Variants in WWOX observed in about 807,000 individuals in gnomAD.
WWOX encodes the protein WW domain containing oxidoreductase.
A neutral mutation model predicts 46.2 loss-of-function variants in WWOX; 69 were observed. That is an observed-to-expected ratio of 1.49 (90% CI 1.23 to 1.82). The LOEUF (loss-of-function observed/expected upper bound fraction) is 1.82, where lower values mean the gene tolerates loss of function less well. Among genes scored for constraint, WWOX ranks in the 40% most tolerant of loss-of-function variants. WWOX has a pLI of 0.00. For synonymous variants in WWOX, 359 were observed against 202.6 expected, an observed-to-expected ratio of 1.77 and a Z score of -6.56; for missense variants, 919 against 542.6, an observed-to-expected ratio of 1.69 and a Z score of -6.89.
chr16:78,141,446 T>G (rs1346981779), intron 4 of WWOX, among the ~76,000 whole-genome samples: 3 of 150,890 alleles, frequency 2.0e-5, no homozygotes, highest in Non-Finnish European at 4.4e-5. Context: ...TTTTTTTTTT[T>G]TTTGCATCCT....
At position 79,033,673 on chromosome 16, in the gene WWOX, G is replaced by A. The variant is rs955116986; in HGVS notation, c.1057-177935G>A. On this transcript the variant is annotated intron_variant, in intron 8 of 8. Coordinates refer to ENST00000566780, the MANE Select transcript of WWOX (RefSeq NM_016373.4). Reference sequence around the variant, plus strand: ...ATCCATCTCCAGAATGATTTTCATCGTGCAAAACTGAAACGCTGTACCCAC... The same window carrying A: ...ATCCATCTCCAGAATGATTTTCATCATGCAAAACTGAAACGCTGTACCCAC... Among the ~76,000 whole-genome samples, 9 of 152,006 alleles carry A rather than the reference G, an allele frequency of 5.9e-5. No individual in the cohort carries two copies. The South Asian group carries it at 8.3e-4, about 14-fold the overall frequency.
At chr16:78,585,033 G>A (rs541592011) in intron 8 of WWOX, among the ~76,000 whole-genome samples, 4 of 152,290 alleles carry the variant, frequency 2.6e-5, no homozygotes, top group African/African-American at 9.6e-5. Context: ...TCCCTATTCA[G>A]CTGAGGCCTC....
intron 8 of WWOX, among the ~76,000 whole-genome samples, chr16:78,753,424 C>G (rs1374171317): frequency 1.3e-5 from 2 of 152,136 alleles, no homozygotes; most frequent in African/African-American, 4.8e-5. Flanking sequence ...GAGGACCAGT[C>G]ACCCCTGTGT....
intron 8 of WWOX, among the ~76,000 whole-genome samples, chr16:78,467,876 A>G (rs531585874): frequency 4.6e-5 from 7 of 152,228 alleles, no homozygotes; most frequent in Non-Finnish European, 8.8e-5. Context: ...TCCTGGATAT[A>G]AAATGACTCC....
intron 5 of WWOX, among the ~76,000 whole-genome samples, chr16:78,281,420 G>A (rs2151854578): frequency 6.6e-6 from 1 of 152,324 alleles, no homozygotes; most frequent in South Asian, 2.1e-4. Flanking sequence ...TAGTAGATCA[G>A]GAGTTTCCTC....
At chr16:78,795,386 G>C (rs1456692592) in intron 8 of WWOX, among the ~76,000 whole-genome samples, 5 of 152,104 alleles carry the variant, frequency 3.3e-5, no homozygotes, top group Admixed American at 2.6e-4. Context: ...TGGCTGTTTT[G>C]TGAATGAGTA....
chr16:78,861,077 C>G (rs777996021), intron 8 of WWOX, among the ~76,000 whole-genome samples: 1 of 152,142 alleles, frequency 6.6e-6, no homozygotes, highest in Non-Finnish European at 1.5e-5. Flanking sequence ...GCCTTGGCCT[C>G]CCAAAGTGTT....
At chr16:78,843,993 A>G (rs1008733218) in intron 8 of WWOX, among the ~76,000 whole-genome samples, 9 of 152,304 alleles carry the variant, frequency 5.9e-5, no homozygotes, top group Middle Eastern at 6.8e-3. Flanking sequence ...CAGATGATGT[A>G]TTCAACATGC....
chr16:78,989,785 G>A (rs1357925697), intron 8 of WWOX, among the ~76,000 whole-genome samples: 2 of 151,046 alleles, frequency 1.3e-5, no homozygotes, highest in Non-Finnish European at 2.9e-5. Flanking sequence ...AGGAGGAAGT[G>A]AGAGGAAGCA....
At chr16:79,128,910 G>A (rs948091752) in intron 8 of WWOX, among the ~76,000 whole-genome samples, 8 of 152,114 alleles carry the variant, frequency 5.3e-5, no homozygotes, top group South Asian at 2.1e-4. Flanking sequence ...CCCACAACCC[G>A]CACAAAGGTG....
At chr16:78,866,775 G>T (rs1236857780) in intron 8 of WWOX, among the ~76,000 whole-genome samples, 1 of 152,194 alleles carries the variant, frequency 6.6e-6, no homozygotes, top group Non-Finnish European at 1.5e-5. Flanking sequence ...GGGAATTGGG[G>T]ACAGTCTGTA....
intron 8 of WWOX, chr16:78,896,813 G>T (rs2044710997): frequency 6.6e-6 from 1 of 151,994 alleles, no homozygotes; most frequent in Non-Finnish European, 1.5e-5. Flanking sequence ...ATATATTATT[G>T]AGACATAATT....
At chr16:78,563,247 T>G (rs1394913769) in intron 8 of WWOX, among the ~76,000 whole-genome samples, 1 of 152,230 alleles carries the variant, frequency 6.6e-6, no homozygotes. Context: ...GACAATACTT[T>G]CCTTTCAGTC....
Position 78,563,518 on chromosome 16 carries a change from C to CT in WWOX, c.1056+130780dup, listed in dbSNP as rs59076103. On this transcript the variant is annotated intron_variant, in intron 8 of 8. Coordinates refer to ENST00000566780, the MANE Select transcript of WWOX (RefSeq NM_016373.4). ...ACACACACACACACACACACACACGCTTTTTTTTTTTTTTCTTTTTTTTTT... is the reference window on the plus strand; with the variant it reads ...ACACACACACACACACACACACACGCTTTTTTTTTTTTTTTCTTTTTTTTTT... 3.2e-3 allele frequency among the ~76,000 whole-genome samples: 428 copies of CT among 132,948 alleles called. 2 individuals carry two copies. The highest frequency in any genetic ancestry group is 0.012 in the Middle Eastern group (3 of 256). 87.2% of individuals were successfully genotyped at this position (132,948 alleles called of 152,430 possible). A position where few individuals can be genotyped will look rare whatever the true frequency, so the allele number is the denominator to read the frequency against.
rs536474365 is a variant in WWOX at position 78,296,149 on chromosome 16, G to A, written c.517-90711G>A. ...TATTGAAGCAATTTGTTGTAAATAT[G>A]AGTTCTGTATCACATTTGGGAAATT... On this transcript the variant is annotated intron_variant, in intron 5 of 8. Coordinates refer to ENST00000566780, the MANE Select transcript of WWOX (RefSeq NM_016373.4). Among the ~76,000 whole-genome samples the A allele has an allele frequency of 2.4e-4, 36 of 152,172 alleles. 1 individual carries two copies. The highest frequency in any genetic ancestry group is 4.6e-4 in the Non-Finnish European group (31 of 68,036).
intron 8 of WWOX, among the ~76,000 whole-genome samples, chr16:78,742,819 A>G (rs886643031): frequency 1.3e-5 from 2 of 152,154 alleles, no homozygotes; most frequent in African/African-American, 4.8e-5. Flanking sequence ...AATTCACTTG[A>G]AATTGTCCAG....
At chr16:78,643,670 G>A (rs913114529) in intron 8 of WWOX, among the ~76,000 whole-genome samples, 2 of 151,992 alleles carry the variant, frequency 1.3e-5, no homozygotes, top group Admixed American at 6.6e-5. Flanking sequence ...TAATGGCCCC[G>A]TTGTAAATGA....
At chr16:78,817,510 C>T (rs74031957) in intron 8 of WWOX, among the ~76,000 whole-genome samples, 1 of 152,226 alleles carries the variant, frequency 6.6e-6, no homozygotes, top group South Asian at 2.1e-4. Context: ...AATAGATGTA[C>T]AGCTTGGCTG....
At chr16:79,207,630 A>G (rs2051562003) in intron 8 of WWOX, among the ~76,000 whole-genome samples, 1 of 152,242 alleles carries the variant, frequency 6.6e-6, no homozygotes, top group South Asian at 2.1e-4. Context: ...TATATCTCAT[A>G]GTTAAGTCTA....
Sources: allele counts gnomAD v4.1 joint callset (sites outside exome capture counted in the v4.1 genomes callset), GRCh38; gene constraint gnomAD v4.1.1; transcripts MANE v1.5; gene names NCBI Gene and HGNC (gene_info 2026-07-23, HGNC 2026-07-21).